The following DMRT1 variants were observed in gnomAD, a reference collection of about 807,000 sequenced individuals.
The protein encoded by DMRT1 is doublesex- and mab-3-related transcription factor 1.
Under a neutral mutation model 32.3 loss-of-function variants are expected in DMRT1, and 7 were observed. That is an observed-to-expected ratio of 0.22 (90% CI 0.12 to 0.41). DMRT1 has a LOEUF of 0.41. Ranked by LOEUF, DMRT1 falls within the 10% of genes least tolerant of loss-of-function variation. The pLI, the probability that DMRT1 is intolerant of heterozygous loss-of-function variation, is 1.00. For synonymous variants in DMRT1, 278 were observed against 206.1 expected (o/e 1.35, Z -2.99); for missense variants, 625 against 500.5 (o/e 1.25, Z -2.37).
chr9:853,909 C>A (rs1336262880), intron 2 of DMRT1, among the ~76,000 whole-genome samples: 5 of 152,106 alleles, frequency 3.3e-5, no homozygotes, highest in Non-Finnish European at 4.4e-5. Flanking sequence ...AATTCTCCCA[C>A]CTCAGCCTCC....
At chr9:903,044 A>G (rs1406841968) in intron 3 of DMRT1, among the ~76,000 whole-genome samples, 1 of 152,220 alleles carries the variant, frequency 6.6e-6, no homozygotes, top group Admixed American at 6.5e-5. Context: ...TTTGGGGGTC[A>G]CATTACTATT....
At chr9:846,371 A>G (rs1304382931) in intron 1 of DMRT1, among the ~76,000 whole-genome samples, 1 of 152,048 alleles carries the variant, frequency 6.6e-6, no homozygotes, top group East Asian at 1.9e-4. Flanking sequence ...GTAGGATACA[A>G]TCTACTCTTA....
At chr9:874,406 A>G (rs1816406150) in intron 2 of DMRT1, among the ~76,000 whole-genome samples, 1 of 152,098 alleles carries the variant, frequency 6.6e-6, no homozygotes, top group South Asian at 2.1e-4. Flanking sequence ...TTTCCCCTTC[A>G]TTGTCATTTT....
chr9:882,817 G>T (rs1389454540), intron 2 of DMRT1, among the ~76,000 whole-genome samples: 1 of 148,138 alleles, frequency 6.8e-6, no homozygotes, highest in Non-Finnish European at 1.5e-5. Flanking sequence ...TGTTGCCCAG[G>T]CTGGAGTACA....
At chr9:858,022 A>G (rs1815477664) in intron 2 of DMRT1, among the ~76,000 whole-genome samples, 1 of 151,818 alleles carries the variant, frequency 6.6e-6, no homozygotes, top group Non-Finnish European at 1.5e-5. Flanking sequence ...AATCCAGTCT[A>G]TTATTGTTGT....
At chr9:963,198 C>G (rs983652748) in intron 4 of DMRT1, among the ~76,000 whole-genome samples, 2 of 152,074 alleles carry the variant, frequency 1.3e-5, no homozygotes, top group Non-Finnish European at 2.9e-5. Context: ...TTTAATTTAC[C>G]TGATGCCATC....
intron 3 of DMRT1, chr9:894,461 G>C (rs747803629): frequency 3.8e-6 from 2 of 531,866 alleles, no homozygotes; most frequent in African/African-American, 3.8e-5. Context: ...AAGAAATAAT[G>C]TACAAACTTG....
chr9:924,088 T>TTC (rs71327361), intron 4 of DMRT1, among the ~76,000 whole-genome samples: 2 of 144,260 alleles, frequency 1.4e-5, no homozygotes, highest in Admixed American at 7.0e-5. Context: ...TTTTTTTTTT[T>TTC]CCACCTGGAG....
At chr9:890,443 A>G (rs1586573636) in intron 2 of DMRT1, among the ~76,000 whole-genome samples, 1 of 152,360 alleles carries the variant, frequency 6.6e-6, no homozygotes, top group Non-Finnish European at 1.5e-5. Context: ...GGAGCCTAGC[A>G]TAGGTGGATT....
chr9:898,126 T>A (rs1817442875), intron 3 of DMRT1, among the ~76,000 whole-genome samples: 1 of 152,108 alleles, frequency 6.6e-6, no homozygotes, highest in Non-Finnish European at 1.5e-5. Context: ...TTATTGTTGT[T>A]TTTCTTTTTT....
chr9:892,125 G>C (rs955094232), intron 2 of DMRT1, among the ~76,000 whole-genome samples: 2 of 152,160 alleles, frequency 1.3e-5, no homozygotes, highest in Admixed American at 6.5e-5. Context: ...AGGCCCTGAA[G>C]ACCTAGTTGT....
chr9:924,270 A>G (rs1446263700), intron 4 of DMRT1, among the ~76,000 whole-genome samples: 2 of 151,778 alleles, frequency 1.3e-5, no homozygotes, highest in South Asian at 2.1e-4. Flanking sequence ...TGGGGTTTCT[A>G]CATGTCAGCC....
chr9:846,358 A>C (rs953003103), intron 1 of DMRT1, among the ~76,000 whole-genome samples: 5 of 151,984 alleles, frequency 3.3e-5, no homozygotes, highest in African/African-American at 1.2e-4. Context: ...AACAGTAAGT[A>C]ATGTAGGATA....
intron 4 of DMRT1, among the ~76,000 whole-genome samples, chr9:931,646 G>C (rs1191743576): frequency 6.6e-6 from 1 of 152,134 alleles, no homozygotes; most frequent in Non-Finnish European, 1.5e-5. Context: ...GTCCTCACAT[G>C]GCTTTTCCTC....
intron 4 of DMRT1, among the ~76,000 whole-genome samples, chr9:962,401 G>GC (rs904362068): frequency 3.3e-4 from 50 of 152,274 alleles, no homozygotes; most frequent in African/African-American, 1.1e-3. Context: ...AGGGTGCTGA[G>GC]CCCCTATCAG....
chr9:893,735 T>G (rs73639472), intron 2 of DMRT1, among the ~76,000 whole-genome samples, 177 bp from the exon 3 acceptor site: 2,000 of 152,252 alleles, frequency 0.013, 40 homozygotes, highest in African/African-American at 0.046. Flanking sequence ...GCCACCAGAG[T>G]GAAGCGAACC....
intron 4 of DMRT1, among the ~76,000 whole-genome samples, chr9:944,892 C>T (rs140755670): frequency 4.7e-4 from 71 of 151,836 alleles, no homozygotes; most frequent in African/African-American, 1.5e-3. Flanking sequence ...CACATGACCA[C>T]CTACAAAGTT....
intron 2 of DMRT1, among the ~76,000 whole-genome samples, chr9:888,891 G>A (rs1817034812): frequency 6.6e-6 from 1 of 151,846 alleles, no homozygotes; most frequent in African/African-American, 2.4e-5. Context: ...CTTTGGGAGG[G>A]TAAGGCAGGA....
chr9:940,388 C>T (rs1819023739), intron 4 of DMRT1, among the ~76,000 whole-genome samples: 1 of 152,008 alleles, frequency 6.6e-6, no homozygotes, highest in Non-Finnish European at 1.5e-5. Context: ...GGATAGAAAG[C>T]CCAGAAATAA....
Sources: gnomAD v4.1 joint callset for allele counts (sites outside exome capture counted in the v4.1 genomes callset) on GRCh38, gnomAD v4.1.1 for gene constraint, MANE v1.5 for transcripts, NCBI Gene and HGNC (gene_info 2026-07-23, HGNC 2026-07-21) for gene names.